Variants in PTPRT observed in about 807,000 individuals in gnomAD.
The protein encoded by PTPRT is protein tyrosine phosphatase receptor type T.
In PTPRT, 56 loss-of-function variants were observed where a neutral mutation model predicts 176.8. The observed-to-expected ratio is 0.32, with a 90% CI of 0.26 to 0.40. The LOEUF is 0.40. PTPRT is among the 10% of genes least tolerant of loss of function. The pLI, the probability that PTPRT is intolerant of heterozygous loss-of-function variation, is 1.00. For missense variants in PTPRT, 1,540 were observed against 1,908.2 expected (o/e 0.81, Z 3.60); for synonymous variants, 783 against 739.0 (o/e 1.06, Z -0.96).
At chr20:42,830,651 C>A (rs1223762903) in intron 2 of PTPRT, among the ~76,000 whole-genome samples, 2 of 152,126 alleles carry the variant, frequency 1.3e-5, no homozygotes, top group Non-Finnish European at 2.9e-5. Flanking sequence ...GATAGGAAGT[C>A]AAACTCCCCC....
At chr20:42,963,780 A>C (rs1165970522) in intron 1 of PTPRT, among the ~76,000 whole-genome samples, 1 of 152,314 alleles carries the variant, frequency 6.6e-6, no homozygotes, top group South Asian at 2.1e-4. Flanking sequence ...TCTGAAGACA[A>C]TTAAAAATAA....
chr20:42,489,261 G>A (rs920609296), intron 7 of PTPRT, among the ~76,000 whole-genome samples: 10 of 151,924 alleles, frequency 6.6e-5, no homozygotes, highest in Admixed American at 2.0e-4. Flanking sequence ...CCAGGCACAT[G>A]GTCAGGTTGT....
At chr20:42,608,121 C>A (rs1281311060) in intron 7 of PTPRT, among the ~76,000 whole-genome samples, 2 of 152,122 alleles carry the variant, frequency 1.3e-5, no homozygotes, top group East Asian at 3.9e-4. Flanking sequence ...AGACTTGCAT[C>A]CAGACTCCAG....
At chr20:43,113,636 TG>T (rs1405626061) in intron 1 of PTPRT, among the ~76,000 whole-genome samples, 1 of 152,212 alleles carries the variant, frequency 6.6e-6, no homozygotes, top group Non-Finnish European at 1.5e-5. Context: ...CCAGAAGCCC[TG>T]TCCTTCTGAT....
chr20:42,270,115 A>G (rs2056905926), intron 13 of PTPRT, among the ~76,000 whole-genome samples: 1 of 152,054 alleles, frequency 6.6e-6, no homozygotes, highest in Admixed American at 6.5e-5. Flanking sequence ...TTTGCTCATC[A>G]TTGTACATCT....
chr20:42,502,786 T>C (rs2071775016), intron 7 of PTPRT, among the ~76,000 whole-genome samples: 2 of 152,122 alleles, frequency 1.3e-5, no homozygotes, highest in Admixed American at 6.6e-5. Flanking sequence ...TGAGAGTACA[T>C]GTGCAAGAGT....
In PTPRT at chr20:43,083,395, C is replaced by G. The variant is rs150858376; in HGVS notation, c.88+106251G>C. ...ACATTTTTTGAGACAGAGTCTCGCT[C>G]TGTGGCCCAGGCTGTAGTGCAGTGT... On this transcript the variant is annotated intron_variant, in intron 1 of 30. Transcript: ENST00000373187. 9.0e-3 allele frequency among the ~76,000 whole-genome samples: 1,078 copies of G among 119,922 alleles called. 31 individuals are homozygous for G. The highest frequency in any genetic ancestry group is 0.031 in the African/African-American group (1,001 of 31,792). The allele number at this position is 119,922 out of a possible 152,430, so 78.7% of individuals were successfully genotyped here.
At chr20:42,492,812 C>T (rs1468221676) in intron 7 of PTPRT, among the ~76,000 whole-genome samples, 1 of 152,062 alleles carries the variant, frequency 6.6e-6, no homozygotes, top group Non-Finnish European at 1.5e-5. Flanking sequence ...AATACATGTT[C>T]TATTTTTGTG....
chr20:42,263,778 C>G lies in PTPRT; in HGVS notation c.2177-14956G>C, dbSNP rs968089198. 5.3e-5 allele frequency among the ~76,000 whole-genome samples: 8 copies of G among 151,882 alleles called. No homozygotes were observed. In the East Asian group the frequency reaches 1.6e-3, roughly 30 times the overall value. ...GGGCTCAAACAATTCACTGACTCAGCCTCCCAAAGTGCTGGGATTATGGGT... is the reference window on the plus strand; with the variant it reads ...GGGCTCAAACAATTCACTGACTCAGGCTCCCAAAGTGCTGGGATTATGGGT... On this transcript the variant is annotated intron_variant, in intron 13 of 30. Transcript: ENST00000373187.
chr20:42,042,241 C>T, the PTPRT span, among the ~76,000 whole-genome samples: 1 of 152,148 alleles, frequency 6.6e-6, no homozygotes, highest in South Asian at 2.1e-4. Flanking sequence ...AAGGACTCAG[C>T]CCTCCTGCAA....
rs566354147 is a variant in PTPRT at position 42,923,948 on chromosome 20, G to A, written c.89-38016C>T. Among the ~76,000 whole-genome samples the A allele has an allele frequency of 3.9e-5, 6 of 152,090 alleles. No homozygotes were observed. In the South Asian group the frequency reaches 8.3e-4, roughly 21 times the overall value. On this transcript the variant is annotated intron_variant, in intron 1 of 30. Transcript: ENST00000373187. ...CAGCCTTCACCTCCTGGGTTCAAACGATTCTCGTGCCTCAGCCTCCCCAGT... is the reference window on the plus strand; with the variant it reads ...CAGCCTTCACCTCCTGGGTTCAAACAATTCTCGTGCCTCAGCCTCCCCAGT...
At position 42,448,236 on chromosome 20, in the gene PTPRT, A is replaced by T; in HGVS notation, c.1544T>A (p.Val515Asp). The T allele has an allele frequency of 6.2e-7, 1 of 1,610,384 alleles. No homozygotes were observed. The highest frequency in any genetic ancestry group is 1.1e-5 in the South Asian group (1 of 91,008). Reference protein sequence around the residue: ...QWKPPNETNGVITLYEINYKA... With the variant: ...QWKPPNETNGDITLYEINYKA... The stretch of plus-strand genomic sequence containing the variant: ...CCTCCTTACCTCGTAGAGCGTGATG[A>T]CCCCATTGGTCTCATTGGGAGGTTT... The change falls in exon 9 of 31, where the codon GTC (valine) becomes GAC (aspartate). Residue 515 changes from valine to aspartate, a missense_variant. By Grantham distance (152) the Val-to-Asp change is radical. Around this residue, in one of 11 missense-constraint regions of PTPRT, gnomAD observed 136 missense variants for 135.0 expected, o/e 1.01. Coordinates refer to ENST00000373187, the MANE Select transcript of PTPRT (RefSeq NM_007050.6).
the PTPRT span, among the ~76,000 whole-genome samples, chr20:42,059,206 G>A: frequency 1.3e-5 from 2 of 152,140 alleles, no homozygotes; most frequent in East Asian, 1.9e-4. Context: ...CGGGTCTCCT[G>A]TCTTGCCCTT....
chr20:42,850,105 C>G (rs780357393), intron 2 of PTPRT, among the ~76,000 whole-genome samples: 1 of 152,176 alleles, frequency 6.6e-6, no homozygotes, highest in Non-Finnish European at 1.5e-5. Context: ...TGAAGGACTA[C>G]CTCTTCCTCC....
intron 1 of PTPRT, among the ~76,000 whole-genome samples, chr20:43,106,090 G>A (rs2012592614): frequency 6.6e-6 from 1 of 152,074 alleles, no homozygotes; most frequent in African/African-American, 2.4e-5. Flanking sequence ...AACAAAAGAT[G>A]AGGCAACAAC....
chr20:42,783,532 C>A (rs968221630), intron 3 of PTPRT, among the ~76,000 whole-genome samples: 1 of 152,124 alleles, frequency 6.6e-6, no homozygotes, highest in Non-Finnish European at 1.5e-5. Context: ...ACACCTACAA[C>A]CTTGGAGGGA....
intron 2 of PTPRT, among the ~76,000 whole-genome samples, chr20:42,842,204 C>G (rs1372878774): frequency 2.0e-5 from 3 of 152,172 alleles, no homozygotes; most frequent in Non-Finnish European, 4.4e-5. Flanking sequence ...GGTCTTCCTC[C>G]TCAGGTTGGA....
chr20:42,959,196 T>C (rs1981843729), intron 1 of PTPRT, among the ~76,000 whole-genome samples: 1 of 152,140 alleles, frequency 6.6e-6, no homozygotes, highest in African/African-American at 2.4e-5. Flanking sequence ...ATCTGTAAAA[T>C]AGTACCTACC....
chr20:42,913,998 A>G (rs1367906458), intron 1 of PTPRT, among the ~76,000 whole-genome samples: 1 of 152,206 alleles, frequency 6.6e-6, no homozygotes, highest in African/African-American at 2.4e-5. Flanking sequence ...TGTAAGATAA[A>G]TCCTATTGTA....
Sources: allele counts gnomAD v4.1 joint callset (sites outside exome capture counted in the v4.1 genomes callset), GRCh38; gene constraint gnomAD v4.1.1; regional missense constraint gnomAD v4.1.1; transcripts MANE v1.5; gene names NCBI Gene and HGNC (gene_info 2026-07-23, HGNC 2026-07-21).